Variants in CA10 observed in about 807,000 individuals in gnomAD.
The protein encoded by CA10 is carbonic anhydrase-related protein 10.
A neutral mutation model predicts 44.2 loss-of-function variants in CA10; 14 were observed. The observed-to-expected ratio is 0.32, with a 90% CI of 0.21 to 0.50. The LOEUF (loss-of-function observed/expected upper bound fraction) is 0.50. Ranked by LOEUF, CA10 falls within the 20% of genes least tolerant of loss-of-function variation. The pLI is 0.99. For synonymous variants in CA10, 159 were observed against 141.6 expected (o/e 1.12, Z -0.87); for missense variants, 350 against 409.7 (o/e 0.85, Z 1.26).
At chr17:52,025,178 TG>T (rs2144161290) in intron 2 of CA10, among the ~76,000 whole-genome samples, 1 of 152,248 alleles carries the variant, frequency 6.6e-6, no homozygotes, top group Non-Finnish European at 1.5e-5. Flanking sequence ...CTTTTAAATA[TG>T]TTTTCTACTG....
rs1325351946 is a variant in CA10 at position 51,797,932 on chromosome 17, T to C, written c.280-50114A>G. Among the ~76,000 whole-genome samples the C allele has an allele frequency of 2.0e-5, 3 of 149,278 alleles. No homozygotes were observed. In the East Asian group the frequency reaches 6.1e-4, roughly 30 times the overall value. On this transcript the variant is annotated intron_variant, in intron 3 of 8. Coordinates refer to ENST00000451037, the MANE Select transcript of CA10 (RefSeq NM_020178.5). ...ATCTACCACACATCCACGACTAGCA[T>C]CTAGGGGCTACTGATCACAGTTCAA...
intron 3 of CA10, among the ~76,000 whole-genome samples, chr17:51,882,545 C>G (rs1307228243): frequency 1.3e-5 from 2 of 152,222 alleles, no homozygotes; most frequent in African/African-American, 4.8e-5. Flanking sequence ...CACCTGACTA[C>G]ATCGACCTGG....
chr17:52,109,596 G>A (rs1475399257), intron 1 of CA10, among the ~76,000 whole-genome samples: 1 of 152,200 alleles, frequency 6.6e-6, no homozygotes, highest in East Asian at 1.9e-4. Context: ...TCTGAGGACT[G>A]TAGACAAAAT....
chr17:51,896,215 G>T (rs570676279), intron 3 of CA10, among the ~76,000 whole-genome samples: 1 of 152,130 alleles, frequency 6.6e-6, no homozygotes, highest in African/African-American at 2.4e-5. Context: ...TACCCGGCAG[G>T]TAGTTTTCCA....
chr17:51,862,973 A>G (rs1277762168), intron 3 of CA10, among the ~76,000 whole-genome samples: 1 of 152,102 alleles, frequency 6.6e-6, no homozygotes, highest in Non-Finnish European at 1.5e-5. Context: ...ATGAATGTGG[A>G]GGGGAGGCAC....
intron 1 of CA10, among the ~76,000 whole-genome samples, chr17:52,084,933 C>T (rs1988079514): frequency 6.6e-6 from 1 of 152,180 alleles, no homozygotes. Context: ...TGCCTCTCCT[C>T]ACCTCTTCCA....
chr17:52,157,260 G>A (rs975114101), intron 1 of CA10, among the ~76,000 whole-genome samples: 16 of 152,076 alleles, frequency 1.1e-4, no homozygotes, highest in Non-Finnish European at 1.5e-4. Context: ...GATCCCTGCT[G>A]GTACTCTCCA....
chr17:51,696,054 G>A (rs1915393032), intron 4 of CA10, among the ~76,000 whole-genome samples: 1 of 152,096 alleles, frequency 6.6e-6, no homozygotes, highest in Non-Finnish European at 1.5e-5. Flanking sequence ...ATGTGCTGCT[G>A]GATTTGGTTT....
chr17:51,853,484 G>T (rs753805887), intron 3 of CA10, among the ~76,000 whole-genome samples: 1 of 152,202 alleles, frequency 6.6e-6, no homozygotes, highest in Non-Finnish European at 1.5e-5. Flanking sequence ...GCCCATATTG[G>T]GAATGCCCCA....
chr17:52,117,958 T>C (rs965152920), intron 1 of CA10, among the ~76,000 whole-genome samples: 3 of 152,216 alleles, frequency 2.0e-5, no homozygotes, highest in African/African-American at 7.2e-5. Context: ...GGGTATTATA[T>C]GGTTTTAATT....
intron 3 of CA10, among the ~76,000 whole-genome samples, chr17:51,865,104 C>T (rs1598088706): frequency 6.6e-6 from 1 of 152,262 alleles, no homozygotes; most frequent in Non-Finnish European, 1.5e-5. Flanking sequence ...TCTTCAGGGT[C>T]TCTTCATCAC....
intron 3 of CA10, among the ~76,000 whole-genome samples, chr17:51,845,282 C>A (rs1057117604): frequency 1.3e-5 from 2 of 152,312 alleles, no homozygotes; most frequent in African/African-American, 4.8e-5. Context: ...GATATAAAGG[C>A]ACTGCGGCTT....
chr17:52,146,552 T>TACA (rs1159563881), intron 1 of CA10, among the ~76,000 whole-genome samples: 7 of 151,878 alleles, frequency 4.6e-5, no homozygotes, highest in African/African-American at 1.4e-4. Context: ...CAGCCGGCCG[T>TACA]GGTGGCGGGC....
At chr17:51,647,969 C>A (rs1160796190) in intron 6 of CA10, among the ~76,000 whole-genome samples, 1 of 152,190 alleles carries the variant, frequency 6.6e-6, no homozygotes, top group African/African-American at 2.4e-5. Flanking sequence ...AGTCTCCCAG[C>A]CTCTGCAGAT....
intron 3 of CA10, among the ~76,000 whole-genome samples, chr17:51,824,055 T>C (rs9902572): frequency 0.061 from 9,220 of 151,908 alleles, 780 homozygotes; most frequent in African/African-American, 0.19. Flanking sequence ...CAAACTAAGA[T>C]GAAAACATCA....
intron 3 of CA10, among the ~76,000 whole-genome samples, chr17:51,822,376 C>T (rs868354129): frequency 6.6e-5 from 10 of 152,280 alleles, no homozygotes; most frequent in Middle Eastern, 3.4e-3. Flanking sequence ...GGATCCACCA[C>T]TGCACTCCAG....
intron 3 of CA10, among the ~76,000 whole-genome samples, chr17:51,907,899 C>T (rs144457417): frequency 3.9e-5 from 6 of 152,150 alleles, no homozygotes; most frequent in East Asian, 3.9e-4. Flanking sequence ...TCCTGGGGAA[C>T]CTGATCTGTA....
chr17:51,804,284 C>T (rs1907046720), intron 3 of CA10, among the ~76,000 whole-genome samples: 1 of 152,174 alleles, frequency 6.6e-6, no homozygotes, highest in South Asian at 2.1e-4. Context: ...ACCTGCCACA[C>T]AAAATTAGCC....
intron 2 of CA10, among the ~76,000 whole-genome samples, chr17:51,958,288 A>G (rs1167092674): frequency 6.6e-6 from 1 of 151,342 alleles, no homozygotes; most frequent in Admixed American, 6.6e-5. Flanking sequence ...ATTGGCATTA[A>G]TTCCCTTGGC....
Sources: allele counts gnomAD v4.1 joint callset (sites outside exome capture counted in the v4.1 genomes callset), GRCh38; gene constraint gnomAD v4.1.1; transcripts MANE v1.5; gene names NCBI Gene and HGNC (gene_info 2026-07-23, HGNC 2026-07-21).